Variants in DACH1 observed in about 807,000 individuals in gnomAD.
DACH1 encodes the protein dachshund family transcription factor 1.
In DACH1, 12 loss-of-function variants were observed where a neutral mutation model predicts 54.2. That is an observed-to-expected ratio of 0.22 (90% confidence interval 0.14 to 0.36). DACH1 has a LOEUF of 0.36. Among genes scored for constraint, DACH1 ranks in the 10% least tolerant of loss-of-function variants. The pLI, the probability that DACH1 is intolerant of heterozygous loss-of-function variation, is 1.00. For missense variants in DACH1, 805 were observed against 929.8 expected (o/e 0.87, Z 1.75); for synonymous variants, 386 against 366.2 (o/e 1.05, Z -0.62).
intron 3 of DACH1, among the ~76,000 whole-genome samples, chr13:71,616,813 A>C: frequency 6.6e-6 from 1 of 152,164 alleles, no homozygotes; most frequent in East Asian, 1.9e-4. Flanking sequence ...ATATATACAT[A>C]GAAAGAGAGA....
chr13:71,538,780 G>A (rs538184511), intron 6 of DACH1, among the ~76,000 whole-genome samples: 5 of 151,996 alleles, frequency 3.3e-5, no homozygotes, highest in East Asian at 1.9e-4. Flanking sequence ...TCTTACCTAC[G>A]GAGCTCTAGA....
intron 4 of DACH1, among the ~76,000 whole-genome samples, chr13:71,569,489 C>T (rs1204624639): frequency 6.6e-6 from 1 of 152,074 alleles, no homozygotes; most frequent in African/African-American, 2.4e-5. Flanking sequence ...TTTCCAACCA[C>T]TTAAAAATGC....
chr13:71,732,506 A>T (rs909506520), intron 1 of DACH1, among the ~76,000 whole-genome samples: 2 of 150,578 alleles, frequency 1.3e-5, no homozygotes, highest in Non-Finnish European at 2.9e-5. Flanking sequence ...AATCACTTGA[A>T]CCCGGGAGGT....
chr13:71,745,309 T>C (rs1314284931), intron 1 of DACH1, among the ~76,000 whole-genome samples: 1 of 152,164 alleles, frequency 6.6e-6, no homozygotes, highest in African/African-American at 2.4e-5. Flanking sequence ...CACAAATACC[T>C]TTGAAAAATG....
At position 71,581,583 on chromosome 13, in the gene DACH1, A is replaced by T. The variant is rs141402413; in HGVS notation, c.1127-8571T>A. On this transcript the variant is annotated intron_variant, in intron 3 of 10. Transcript: ENST00000613252. The stretch of plus-strand genomic sequence containing the variant: ...TTATTATTCTTAACTGTAATTAAAG[A>T]TAGAGAAGATAAAGAATGGTAATAT... Among the ~76,000 whole-genome samples, 149 of 152,318 alleles carry T rather than the reference A, an allele frequency of 9.8e-4. 1 individual carries two copies. Among genetic ancestry groups the T allele is most frequent in the African/African-American group, 3.4e-3 (142 of 41,586 alleles).
intron 2 of DACH1, among the ~76,000 whole-genome samples, chr13:71,632,313 A>G (rs1454461655): frequency 1.3e-5 from 2 of 152,006 alleles, no homozygotes; most frequent in Non-Finnish European, 1.5e-5. Flanking sequence ...CTTCAGGCTG[A>G]CATCCCTCAT....
intron 6 of DACH1, among the ~76,000 whole-genome samples, chr13:71,525,445 G>A (rs903951261): frequency 6.6e-6 from 1 of 152,030 alleles, no homozygotes; most frequent in African/African-American, 2.4e-5. Flanking sequence ...TTATTGTCAA[G>A]AATTAATAAA....
chr13:71,852,760 G>C (rs1340091000), intron 1 of DACH1, among the ~76,000 whole-genome samples: 1 of 152,074 alleles, frequency 6.6e-6, no homozygotes, highest in Non-Finnish European at 1.5e-5. Flanking sequence ...CAAAGGGAGG[G>C]AAAAAACCCT....
intron 1 of DACH1, among the ~76,000 whole-genome samples, chr13:71,844,550 T>A (rs1458126647): frequency 6.6e-6 from 1 of 152,248 alleles, no homozygotes; most frequent in Non-Finnish European, 1.5e-5. Context: ...TTTTTGTTTT[T>A]GATTTATGCA....
At position 71,471,117 on chromosome 13, in the gene DACH1, AAAC is replaced by A. The variant is rs140796943; in HGVS notation, c.2083+4021_2083+4023del. Among the ~76,000 whole-genome samples the A allele has an allele frequency of 5.8e-3, 886 of 152,274 alleles. 8 individuals are homozygous for A. Among genetic ancestry groups the A allele is most frequent in the African/African-American group, 0.02 (838 of 41,562 alleles). ...TCTCCAATAGGTGGGGAAAGAAGTGAAACAACAACAAAAACTTCCAGTATGATG... is the reference window on the plus strand; with the variant it reads ...TCTCCAATAGGTGGGGAAAGAAGTGAAACAACAAAAACTTCCAGTATGATG... On this transcript the variant is annotated intron_variant, in intron 10 of 10. Coordinates refer to ENST00000613252, the MANE Select transcript of DACH1 (RefSeq NM_080759.6).
chr13:71,792,339 TACACACACAC>T (rs140037316), intron 1 of DACH1, among the ~76,000 whole-genome samples: 41 of 148,378 alleles, frequency 2.8e-4, no homozygotes, highest in East Asian at 6.0e-4. Flanking sequence ...AAGTGTTTTG[TACACACACAC>T]ACACACACAC....
At chr13:71,786,855 A>G (rs756997017) in intron 1 of DACH1, among the ~76,000 whole-genome samples, 1 of 152,122 alleles carries the variant, frequency 6.6e-6, no homozygotes, top group Non-Finnish European at 1.5e-5. Context: ...TAAATTGACA[A>G]TACTTATTTA....
intron 6 of DACH1, among the ~76,000 whole-genome samples, chr13:71,517,780 C>G (rs911330271): frequency 8.6e-5 from 13 of 151,854 alleles, no homozygotes; most frequent in African/African-American, 3.1e-4. Flanking sequence ...ATTTGCTAGT[C>G]TAACCTTTCT....
chr13:71,513,422 G>A (rs2138262967), intron 6 of DACH1, among the ~76,000 whole-genome samples: 1 of 152,020 alleles, frequency 6.6e-6, no homozygotes, highest in Non-Finnish European at 1.5e-5. Flanking sequence ...AAATTCAAGT[G>A]ATGAAAAGGG....
intron 5 of DACH1, 31 bp from the exon 6 acceptor site, chr13:71,557,189 CA>C: frequency 6.3e-7 from 1 of 1,581,694 alleles, no homozygotes; most frequent in Non-Finnish European, 8.6e-7. Context: ...ACAAACAAAA[CA>C]AAACACAAAA....
At chr13:71,704,666 A>G (rs1278165871) in intron 1 of DACH1, 1 of 297,752 alleles carries the variant, frequency 3.4e-6, no homozygotes, top group Non-Finnish European at 6.7e-6. Context: ...AAGGTATTTA[A>G]AAAATAAAAA....
chr13:71,793,842 A>G (rs1256808050), intron 1 of DACH1, among the ~76,000 whole-genome samples: 1 of 152,174 alleles, frequency 6.6e-6, no homozygotes, highest in Non-Finnish European at 1.5e-5. Context: ...TCTCTTTTTT[A>G]GTGAAAAAAA....
intron 7 of DACH1, among the ~76,000 whole-genome samples, chr13:71,480,324 T>A (rs1343197019): frequency 6.6e-6 from 1 of 152,156 alleles, no homozygotes; most frequent in Non-Finnish European, 1.5e-5. Flanking sequence ...TTAGACAGCA[T>A]AATAATTTAA....
chr13:71,700,704 G>T (rs947368623), intron 1 of DACH1, among the ~76,000 whole-genome samples: 3 of 152,002 alleles, frequency 2.0e-5, no homozygotes, highest in African/African-American at 7.3e-5. Context: ...GGACAGCCCT[G>T]AATGCACAGA....
Sources: gnomAD v4.1 joint callset for allele counts (sites outside exome capture counted in the v4.1 genomes callset) on GRCh38, gnomAD v4.1.1 for gene constraint, MANE v1.5 for transcripts, NCBI Gene and HGNC (gene_info 2026-07-23, HGNC 2026-07-21) for gene names.